SGCB: variants seen among roughly 807,000 people sequenced by gnomAD.
The protein encoded by SGCB is sarcoglycan beta, also known as beta-sarcoglycan.
A neutral mutation model predicts 27.3 loss-of-function variants in SGCB; 25 were observed. That is an observed-to-expected ratio of 0.92 (90% CI 0.67 to 1.28). SGCB has a LOEUF of 1.28. SGCB is among the 50% of genes most tolerant of loss of function. The pLI is 0.00. For synonymous variants in SGCB, 147 were observed against 133.5 expected, an observed-to-expected ratio of 1.10 and a Z score of -0.70; for missense variants, 436 against 402.1, an observed-to-expected ratio of 1.08 and a Z score of -0.72.
At chr4:52,032,583 TC>T (rs1737276447) in intron 2 of SGCB, among the ~76,000 whole-genome samples, 1 of 152,188 alleles carries the variant, frequency 6.6e-6, no homozygotes, top group Non-Finnish European at 1.5e-5. Flanking sequence ...AATTTATATA[TC>T]TAATATGAAA....
At position 52,021,957 on chromosome 4, in the gene SGCB, A is replaced by G. The variant is rs1736962541; in HGVS notation, c.*2000T>C. The G allele has an allele frequency of 6.6e-6, 1 of 152,162 alleles. No individual in the cohort carries two copies. The highest frequency in any genetic ancestry group is 2.4e-5 in the African/African-American group (1 of 41,452). The allele number at this position is 152,162 out of a possible 1,614,324, so 9.4% of individuals were successfully genotyped here. On this transcript the variant is annotated 3_prime_UTR_variant, in exon 6 of 6. Coordinates refer to ENST00000381431, the MANE Select transcript of SGCB (RefSeq NM_000232.5). ...CATTTAATAAATAATATTTTGTAATACAGTGTTTTCTGGTTTTTATAAAAA... is the reference window on the plus strand; with the variant it reads ...CATTTAATAAATAATATTTTGTAATGCAGTGTTTTCTGGTTTTTATAAAAA...
intron 4 of SGCB, 39 bp downstream of exon 4, chr4:52,028,691 A>G: frequency 7.2e-7 from 1 of 1,394,470 alleles, no homozygotes; most frequent in Non-Finnish European, 1.0e-6. Flanking sequence ...CTAGAGAATA[A>G]TTCTCTCCCA....
In SGCB at chr4:52,023,903, T is replaced by C; in HGVS notation, c.*54A>G. ...AACTCTGTAAAAACAATGATTTGCA[T>C]GCATAAAAAAGTCAAGTCAAGATAT... On this transcript the variant is annotated 3_prime_UTR_variant, in exon 6 of 6. Coordinates refer to ENST00000381431, the MANE Select transcript of SGCB (RefSeq NM_000232.5). The C allele has an allele frequency of 6.9e-6, 9 of 1,310,122 alleles. No individual in the cohort carries two copies. Among genetic ancestry groups the C allele is most frequent in the Non-Finnish European group, 1.0e-5 (9 of 903,746 alleles). The allele number at this position is 1,310,122 out of a possible 1,614,324, so 81.2% of individuals were successfully genotyped here. A position where few individuals can be genotyped will look rare whatever the true frequency, so the allele number is the denominator to read the frequency against.
Position 52,022,713 on chromosome 4 carries a change from T to A in SGCB, c.*1244A>T, listed in dbSNP as rs184970220. 6.6e-6 allele frequency: 1 copy of A among 152,328 alleles called. No homozygotes were observed. The highest frequency in any genetic ancestry group is 2.4e-5 in the African/African-American group (1 of 41,578). The allele number at this position is 152,328 out of a possible 1,614,324, so 9.4% of individuals were successfully genotyped here. A position where few individuals can be genotyped will look rare whatever the true frequency, so the allele number is the denominator to read the frequency against. On this transcript the variant is annotated 3_prime_UTR_variant, in exon 6 of 6. Coordinates refer to ENST00000381431, the MANE Select transcript of SGCB (RefSeq NM_000232.5). ...TTGTTTGGGTCTATGGCCTCCCCAC[T>A]TTCCACTGTGTTGCCCCGAGTGCTG...
chr4:52,032,671 C>T (rs1029426694), intron 2 of SGCB, among the ~76,000 whole-genome samples: 4 of 152,276 alleles, frequency 2.6e-5, no homozygotes, highest in Middle Eastern at 3.4e-3. Context: ...TACAAAAAGA[C>T]TGCCTTGCAT....
At chr4:52,026,142 T>G (rs2109367893) in intron 5 of SGCB, among the ~76,000 whole-genome samples, 1 of 152,214 alleles carries the variant, frequency 6.6e-6, no homozygotes, top group African/African-American at 2.4e-5. Context: ...GCAGTGGTAG[T>G]ATATGGAATA....
Position 52,033,587 on chromosome 4 carries a change from T to C in SGCB, c.87A>G (p.Arg29=), listed in dbSNP as rs370052058. ...TGTTGTGCTCTTTATTGACACTCCT[T>C]CTCTCAACAGCCTTCTCACGCATGG... The part of the protein sequence containing the change: ...KKSMREKAVE[R]RSVNKEHNSN... Residue 29 remains arginine (R), a synonymous_variant, in exon 2 of 6, where the codon AGA becomes AGG. Coordinates refer to ENST00000381431, the MANE Select transcript of SGCB (RefSeq NM_000232.5). 1 of 1,613,880 alleles carries C rather than the reference T, an allele frequency of 6.2e-7. No individual in the cohort carries two copies. The highest frequency in any genetic ancestry group is 8.5e-7 in the Non-Finnish European group (1 of 1,179,770).
In SGCB at chr4:52,028,868, AGAAGTTTTGTTGTTTTCTACACT is replaced by A. The variant is rs765139006; in HGVS notation, c.460_482del (p.Ser154TyrfsTer4). On this transcript the variant is annotated frameshift_variant, in exon 4 of 6. Transcript: ENST00000381431. LOFTEE classifies it high-confidence loss of function. ...ACTGCATGCCGATGTCACTTGTAAT[AGAAGTTTTGTTGTTTTCTACACT>A]GAGCTTTGTTGTCCCTTGCTGAAAA... is the stretch of plus-strand genomic sequence containing the variant. 6.2e-7 allele frequency: 1 copy of A among 1,614,034 alleles called. No homozygotes were observed. Among genetic ancestry groups the A allele is most frequent in the East Asian group, 2.2e-5 (1 of 44,862 alleles).
chr4:52,029,731 T>A lies in SGCB; in HGVS notation c.376A>T (p.Thr126Ser), dbSNP rs11541943. 6.2e-7 allele frequency: 1 copy of A among 1,613,912 alleles called. No individual in the cohort carries two copies. The highest frequency in any genetic ancestry group is 1.7e-5 in the Admixed American group (1 of 60,006). ...MGVIHPLYKS[T>S]VGGRRNENLV... ...TTTTCATTTCGCCTTCCTCCTACTG[T>A]GCTTTTATAAAGAGGGTGGATCACT... Residue 126 changes from threonine to serine, a missense_variant, in exon 3 of 6, where the codon ACA becomes TCA. Transcript: ENST00000381431.
chr4:52,030,366 CAA>C (rs1433933394), intron 2 of SGCB, among the ~76,000 whole-genome samples: 7 of 152,060 alleles, frequency 4.6e-5, no homozygotes, highest in Admixed American at 3.9e-4. Flanking sequence ...GCTCCAATCT[CAA>C]GTTTTAATTA....
intron 1 of SGCB, among the ~76,000 whole-genome samples, chr4:52,037,411 CAAT>C (rs929215416): frequency 2.0e-5 from 3 of 151,918 alleles, no homozygotes; most frequent in South Asian, 2.1e-4. Flanking sequence ...TTTTTTTCAA[CAAT>C]GTTTTAGAAT....
chr4:52,029,073 C>G lies in SGCB; in HGVS notation c.430-152G>C, dbSNP rs75408283. The G allele has an allele frequency of 4.9e-3, 3,100 of 633,150 alleles. 11 individuals are homozygous for G. The highest frequency in any genetic ancestry group is 6.1e-3 in the Non-Finnish European group (2,202 of 363,110). 39.2% of individuals were successfully genotyped at this position (633,150 alleles called of 1,614,324 possible). A position where few individuals can be genotyped will look rare whatever the true frequency, so the allele number is the denominator to read the frequency against. On this transcript the variant is annotated intron_variant, in intron 3 of 5. Transcript: ENST00000381431. ...AAATACGTTTAACTCTGTCTGTTCTCCCTCCATCCACTTGGAAGAAGAGTT... is the reference window on the plus strand; with the variant it reads ...AAATACGTTTAACTCTGTCTGTTCTGCCTCCATCCACTTGGAAGAAGAGTT...
In SGCB at chr4:52,027,994, T is replaced by C. The variant is rs540011509; in HGVS notation, c.727A>G (p.Met243Val). 27 of 1,613,928 alleles carry C rather than the reference T, an allele frequency of 1.7e-5. No individual in the cohort carries two copies. The South Asian group carries it at 1.9e-4, about 11-fold the overall frequency. Residue 243 changes from methionine (M) to valine (V), a missense_variant, in exon 5 of 6, where the codon ATG (methionine) becomes GTG (valine). Transcript: ENST00000381431. ...GCCTTTAACTCCATATTACCACCCA[T>C]GTGAAATTCAATGGTTTTGCCCATA... is the stretch of plus-strand genomic sequence containing the variant. ...FIMGKTIEFHMGGNMELKAEN... is the reference protein window; with the variant it reads ...FIMGKTIEFHVGGNMELKAEN...
At position 52,022,766 on chromosome 4, in the gene SGCB, T is replaced by C. The variant is rs1391185518; in HGVS notation, c.*1191A>G. The C allele has an allele frequency of 6.6e-6, 1 of 152,168 alleles. No homozygotes were observed. The highest frequency in any genetic ancestry group is 1.9e-4 in the East Asian group (1 of 5,184). The allele number at this position is 152,168 out of a possible 1,614,324, so 9.4% of individuals were successfully genotyped here. On this transcript the variant is annotated 3_prime_UTR_variant, in exon 6 of 6. Transcript: ENST00000381431. ...GGTATAAATATCTTGGCAACTCTGT[T>C]ATGTATTGTTACTCCAGTGTGCCAA...
At chr4:52,026,949 C>T (rs1032902621) in intron 5 of SGCB, among the ~76,000 whole-genome samples, 2 of 152,168 alleles carry the variant, frequency 1.3e-5, no homozygotes, top group Admixed American at 6.5e-5. Context: ...CCACAATATA[C>T]ATACAAATTA....
At chr4:52,029,652 T>G in intron 3 of SGCB, 26 bp downstream of exon 3, 1 of 1,543,016 alleles carries the variant, frequency 6.5e-7, no homozygotes, top group Non-Finnish European at 9.0e-7. Flanking sequence ...CTGTTTGCAT[T>G]TCTTTCAGTT....
intron 2 of SGCB, chr4:52,032,102 A>G: frequency 2.8e-6 from 1 of 361,088 alleles, no homozygotes; most frequent in East Asian, 7.4e-5. Context: ...GTGTGTCCAG[A>G]GACACACTAG....
At chr4:52,028,167 G>T (rs1175547318) in intron 4 of SGCB, 68 bp from the exon 5 acceptor site, 8 of 1,272,946 alleles carry the variant, frequency 6.3e-6, no homozygotes, top group Non-Finnish European at 7.9e-6. Context: ...ATCAGAGATA[G>T]AGAAATAGAA....
At chr4:52,025,829 T>C (rs1381831623) in intron 5 of SGCB, among the ~76,000 whole-genome samples, 1 of 152,192 alleles carries the variant, frequency 6.6e-6, no homozygotes, top group South Asian at 2.1e-4. Flanking sequence ...CAAGACTCTG[T>C]ATCTTCTGAA....
Sources: gnomAD v4.1 joint callset for allele counts (sites outside exome capture counted in the v4.1 genomes callset) on GRCh38, gnomAD v4.1.1 for gene constraint, MANE v1.5 for transcripts, NCBI Gene and HGNC (gene_info 2026-07-23, HGNC 2026-07-21) for gene names.